MED28: variants seen among roughly 807,000 people sequenced by gnomAD.
The protein encoded by MED28 is mediator of RNA polymerase II transcription subunit 28.
MED28 carries 26 observed loss-of-function variants against 21.3 expected under a neutral mutation model. The observed-to-expected ratio is 1.22, with a 90% CI of 0.89 to 1.69. The LOEUF (loss-of-function observed/expected upper bound fraction) is 1.69. Among genes scored for constraint, MED28 ranks in the 40% most tolerant of loss-of-function variants. The pLI, the probability that MED28 is intolerant of heterozygous loss-of-function variation, is 0.00. For missense variants in MED28, 257 were observed against 215.4 expected (o/e 1.19, Z -1.21); for synonymous variants, 110 against 87.6 (o/e 1.26, Z -1.43).
intron 2 of MED28, 22 bp downstream of exon 2, chr4:17,619,989 A>G (rs1336347276): frequency 6.2e-7 from 1 of 1,606,962 alleles, no homozygotes; most frequent in Non-Finnish European, 8.5e-7. Context: ...CTCTGTGTAC[A>G]CAATGTTCTG....
intron 3 of MED28, among the ~76,000 whole-genome samples, chr4:17,622,819 A>G (rs1217527530): frequency 6.6e-6 from 1 of 152,208 alleles, no homozygotes; most frequent in East Asian, 1.9e-4. Context: ...AAGGTGAAAG[A>G]CACATCTCAC....
chr4:17,619,952 G>A lies in MED28; in HGVS notation c.211G>A (p.Glu71Lys), dbSNP rs1486002689. The change falls in exon 2 of 4, where the codon GAA becomes AAA. Residue 71 changes from glutamate (E) to lysine (K), a missense_variant. By Grantham distance (56) the Glu-to-Lys change is moderately conservative. Coordinates refer to ENST00000237380, the MANE Select transcript of MED28 (RefSeq NM_025205.5). ...GGACTATGTCAATGGCACCGATCAG[G>A]AAGAAATTCGAACCGGTAAGCATTC... ...SQDYVNGTDQEEIRTGVDQCI... is the reference protein window; with the variant it reads ...SQDYVNGTDQKEIRTGVDQCI... The A allele has an allele frequency of 5.0e-6, 8 of 1,614,134 alleles. No homozygotes were observed. In the South Asian group the frequency reaches 8.8e-5, roughly 18 times the overall value.
At position 17,621,586 on chromosome 4, in the gene MED28, G is replaced by T; in HGVS notation, c.227-1G>T. The stretch of plus-strand genomic sequence containing the variant: ...AATAATTTTGTTCCTTTTTTTTTAA[G>T]GTGTTGATCAGTGTATCCAGAAGTT... On this transcript the variant is annotated splice_acceptor_variant, in intron 2 of 3. Transcript: ENST00000237380. LOFTEE classifies it high-confidence loss of function. 1 of 1,528,630 alleles carries T rather than the reference G, an allele frequency of 6.5e-7. No homozygotes were observed. The highest frequency in any genetic ancestry group is 1.3e-5 in the South Asian group (1 of 76,792). The allele number at this position is 1,528,630 out of a possible 1,614,324, so 94.7% of individuals were successfully genotyped here.
At chr4:17,619,182 G>A (rs143210407) in intron 1 of MED28, among the ~76,000 whole-genome samples, 167 of 152,332 alleles carry the variant, frequency 1.1e-3, no homozygotes, top group Middle Eastern at 0.01. Context: ...TGTGCACAGA[G>A]CTCCTTGGCT....
chr4:17,623,054 T>A (rs1465279834), intron 3 of MED28, among the ~76,000 whole-genome samples: 1 of 152,210 alleles, frequency 6.6e-6, no homozygotes, highest in Non-Finnish European at 1.5e-5. Flanking sequence ...CAATCTGATT[T>A]CTTTTTGGCT....
In MED28 at chr4:17,634,063, G is replaced by A. The variant is rs773533125; in HGVS notation, c.*10265G>A. 6.3e-6 allele frequency: 3 copies of A among 477,640 alleles called. No individual in the cohort carries two copies. Among genetic ancestry groups the A allele is most frequent in the Non-Finnish European group, 1.1e-5 (3 of 284,804 alleles). 29.6% of individuals were successfully genotyped at this position (477,640 alleles called of 1,614,324 possible). ...CACTTTTCCCTCCAATCTTCATTTT[G>A]TATTATAAATAAATATGTATGTTCA... is the stretch of plus-strand genomic sequence containing the variant. On this transcript the variant is annotated 3_prime_UTR_variant, in exon 4 of 4. Transcript: ENST00000237380.
rs1370923569 is a variant in MED28, at chr4:17,630,096, A to C, written c.*6298A>C. ...GGAGTCAAAACCTATGTACGATCTC[A>C]ACTAGTAAAATTTTCTCCTTGCCCA... On this transcript the variant is annotated 3_prime_UTR_variant, in exon 4 of 4. Coordinates refer to ENST00000237380, the MANE Select transcript of MED28 (RefSeq NM_025205.5). 6.6e-6 allele frequency: 1 copy of C among 152,232 alleles called. No homozygotes were observed. The highest frequency in any genetic ancestry group is 1.9e-4 in the East Asian group (1 of 5,204). The allele number at this position is 152,232 out of a possible 1,614,324, so 9.4% of individuals were successfully genotyped here. A position where few individuals can be genotyped will look rare whatever the true frequency, so the allele number is the denominator to read the frequency against.
Position 17,615,031 on chromosome 4 carries a change from A to AC in MED28, c.159+221dup, listed in dbSNP as rs1289012938. Among the ~76,000 whole-genome samples the AC allele has an allele frequency of 7.2e-5, 11 of 152,282 alleles. No homozygotes were observed. In the East Asian group the frequency reaches 2.1e-3, roughly 29 times the overall value. On this transcript the variant is annotated intron_variant, in intron 1 of 3. Coordinates refer to ENST00000237380, the MANE Select transcript of MED28 (RefSeq NM_025205.5). Reference sequence around the variant, plus strand: ...AAACTCGACGTTTGTGGAAACGTGAACCCGAAGTTTGCCTAAACCCCAAAC... The same window carrying AC: ...AAACTCGACGTTTGTGGAAACGTGAACCCCGAAGTTTGCCTAAACCCCAAAC...
rs745360306 is a variant in MED28, at chr4:17,629,916, G to A, written c.*6118G>A. ...TAACAAACAAAAAGCTTAAGTTTGT[G>A]TCCTTAAATGCCTTACTTCAATACC... is the stretch of plus-strand genomic sequence containing the variant. On this transcript the variant is annotated 3_prime_UTR_variant, in exon 4 of 4. Transcript: ENST00000237380. The A allele has an allele frequency of 1.2e-4, 19 of 152,174 alleles. No individual in the cohort carries two copies. Among genetic ancestry groups the A allele is most frequent in the Non-Finnish European group, 2.2e-4 (15 of 68,024 alleles). The allele number at this position is 152,174 out of a possible 1,614,324, so 9.4% of individuals were successfully genotyped here.
At chr4:17,615,284 A>G (rs1030757478) in intron 1 of MED28, among the ~76,000 whole-genome samples, 2 of 152,138 alleles carry the variant, frequency 1.3e-5, no homozygotes, top group African/African-American at 4.8e-5. Flanking sequence ...AGAGCTGAGG[A>G]AGGAGGAATG....
intron 1 of MED28, among the ~76,000 whole-genome samples, chr4:17,615,579 A>C (rs1412921819): frequency 2.6e-5 from 4 of 152,194 alleles, no homozygotes; most frequent in African/African-American, 9.6e-5. Flanking sequence ...TGGGAGGCCG[A>C]GGCTGGCGGA....
In MED28 at chr4:17,633,567, G is replaced by T; in HGVS notation, c.*9769G>T. On this transcript the variant is annotated 3_prime_UTR_variant, in exon 4 of 4. Coordinates refer to ENST00000237380, the MANE Select transcript of MED28 (RefSeq NM_025205.5). ...TCAGGTAAGTGATTCAGTGTCCCTT[G>T]TCTAATCATCCATGAAAAAAGGCCT... 3 of 891,726 alleles carry T rather than the reference G, an allele frequency of 3.4e-6. No individual in the cohort carries two copies. Among genetic ancestry groups the T allele is most frequent in the Non-Finnish European group, 4.9e-6 (3 of 614,322 alleles). 55.2% of individuals were successfully genotyped at this position (891,726 alleles called of 1,614,324 possible). A position where few individuals can be genotyped will look rare whatever the true frequency, so the allele number is the denominator to read the frequency against.
chr4:17,633,384 C>T lies in MED28; in HGVS notation c.*9586C>T, dbSNP rs1003364176. The T allele has an allele frequency of 1.3e-5, 3 of 233,578 alleles. No individual in the cohort carries two copies. In the East Asian group the frequency reaches 2.7e-4, roughly 21 times the overall value. 14.5% of individuals were successfully genotyped at this position (233,578 alleles called of 1,614,324 possible). ...TCACGTCAGTCTGATGAGATAGGTG[C>T]TGTATTATCTTAATTTTAAAGGCAA... On this transcript the variant is annotated 3_prime_UTR_variant, in exon 4 of 4. Transcript: ENST00000237380.
intron 2 of MED28, 117 bp from the exon 3 acceptor site, chr4:17,621,470 A>G: frequency 1.6e-6 from 1 of 640,156 alleles, no homozygotes; most frequent in East Asian, 3.1e-5. Context: ...CAAGATTAAA[A>G]TCCCTGAGTT....
In MED28 at chr4:17,620,354, GTTTTTT is replaced by G. The variant is rs34093588; in HGVS notation, c.226+397_226+402del. Among the ~76,000 whole-genome samples, 185 of 141,240 alleles carry G rather than the reference GTTTTTT, an allele frequency of 1.3e-3. 3 individuals carry two copies. In the South Asian group the frequency reaches 0.028, roughly 21 times the overall value. 92.7% of individuals were successfully genotyped at this position (141,240 alleles called of 152,430 possible). On this transcript the variant is annotated intron_variant, in intron 2 of 3. Transcript: ENST00000237380. ...GATTTCTTCGTACCATATTTTACAT[GTTTTTT>G]TTTTTTTTTGATGGAGTTTCACTCT... is the stretch of plus-strand genomic sequence containing the variant.
chr4:17,615,806 G>A (rs1452270479), intron 1 of MED28, among the ~76,000 whole-genome samples: 1 of 152,068 alleles, frequency 6.6e-6, no homozygotes, highest in Non-Finnish European at 1.5e-5. Flanking sequence ...GCTCGACTCC[G>A]TCTCAAAAAA....
At chr4:17,615,830 T>C (rs1430610563) in intron 1 of MED28, among the ~76,000 whole-genome samples, 1 of 151,622 alleles carries the variant, frequency 6.6e-6, no homozygotes, top group African/African-American at 2.4e-5. Context: ...AAATAAAATA[T>C]AAATAAATAA....
rs1379595348 is a variant in MED28, at chr4:17,629,810, ATAGTGT to A, written c.*6016_*6021del. On this transcript the variant is annotated 3_prime_UTR_variant, in exon 4 of 4. Coordinates refer to ENST00000237380, the MANE Select transcript of MED28 (RefSeq NM_025205.5). ...TCTATCAAATTGTATTTCTTTGTCA[ATAGTGT>A]TAGGGCACAGTAGGTTCATTTACTG... 1 of 152,190 alleles carries A rather than the reference ATAGTGT, an allele frequency of 6.6e-6. No homozygotes were observed. The highest frequency in any genetic ancestry group is 1.5e-5 in the Non-Finnish European group (1 of 68,044). The allele number at this position is 152,190 out of a possible 1,614,324, so 9.4% of individuals were successfully genotyped here.
intron 1 of MED28, among the ~76,000 whole-genome samples, chr4:17,615,997 C>A (rs780855181): frequency 6.6e-6 from 1 of 151,804 alleles, no homozygotes; most frequent in African/African-American, 2.4e-5. Flanking sequence ...GTCTCACTCT[C>A]TCGCCCAGGC....
Sources: gnomAD v4.1 joint callset for allele counts (sites outside exome capture counted in the v4.1 genomes callset) on GRCh38, gnomAD v4.1.1 for gene constraint, MANE v1.5 for transcripts, NCBI Gene and HGNC (gene_info 2026-07-23, HGNC 2026-07-21) for gene names.